The following CFAP58 variants were observed in gnomAD, a reference collection of about 807,000 sequenced individuals.
CFAP58 encodes the protein cilia- and flagella-associated protein 58.
In CFAP58, 88 loss-of-function variants were observed where a neutral mutation model predicts 119.5. The observed-to-expected ratio is 0.74, with a 90% CI of 0.62 to 0.88. The LOEUF is 0.88. Among genes scored for constraint, CFAP58 ranks in the 40% least tolerant of loss-of-function variants. CFAP58 has a pLI of 0.00. For missense variants in CFAP58, 990 were observed against 1,021.2 expected (o/e 0.97, Z 0.42); for synonymous variants, 365 against 366.3 (o/e 1.00, Z 0.04).
At chr10:104,349,261 C>CCAAAACAAAACAAAA (rs200006936), upstream of CFAP58, among the ~76,000 whole-genome samples, 73 of 152,096 alleles carry the variant, frequency 4.8e-4, 1 homozygote, top group African/African-American at 1.7e-3. Flanking sequence ...CGCCTCCACA[C>CCAAAACAAAACAAAA]CAAAACAAAA....
chr10:104,430,452 GTCT>G (rs1014897953), intron 15 of CFAP58, among the ~76,000 whole-genome samples: 2 of 152,182 alleles, frequency 1.3e-5, no homozygotes, highest in African/African-American at 4.8e-5. Flanking sequence ...CTCACTTACA[GTCT>G]TCTTTTGGAA....
intron 15 of CFAP58, among the ~76,000 whole-genome samples, chr10:104,445,934 A>G (rs73336909): frequency 6.6e-6 from 1 of 152,376 alleles, no homozygotes; most frequent in African/African-American, 2.4e-5. Flanking sequence ...TTAAGACATT[A>G]TTATATTCCA....
chr10:104,452,002 G>A (rs1365683565), intron 17 of CFAP58, among the ~76,000 whole-genome samples: 7 of 151,878 alleles, frequency 4.6e-5, no homozygotes, highest in African/African-American at 1.5e-4. Context: ...GCCTCCCAAA[G>A]TGCTGGGATT....
At chr10:104,376,561 T>A (rs1310406023) in intron 7 of CFAP58, among the ~76,000 whole-genome samples, 1 of 151,870 alleles carries the variant, frequency 6.6e-6, no homozygotes, top group Non-Finnish European at 1.5e-5. Context: ...GGAGAAATCT[T>A]AGCCCTGTCA....
At chr10:104,381,326 C>T (rs534605540) in intron 9 of CFAP58, among the ~76,000 whole-genome samples, 7 of 152,296 alleles carry the variant, frequency 4.6e-5, no homozygotes, top group Admixed American at 6.5e-5. Context: ...TTTTAGCCAG[C>T]TGTCTTAGTG....
chr10:104,374,846 CAAA>C (rs56074829), intron 7 of CFAP58, among the ~76,000 whole-genome samples: 8 of 101,504 alleles, frequency 7.9e-5, no homozygotes, highest in Admixed American at 1.0e-4. Flanking sequence ...CTTATAACTG[CAAA>C]AAAAAAAAAA....
chr10:104,369,300 G>C (rs1345658765), intron 6 of CFAP58, among the ~76,000 whole-genome samples: 3 of 152,190 alleles, frequency 2.0e-5, no homozygotes, highest in Non-Finnish European at 2.9e-5. Context: ...TTGAGAATCT[G>C]ATGGTAATAT....
At position 104,400,658 on chromosome 10, in the gene CFAP58, A is replaced by G. The variant is rs200270613; in HGVS notation, c.1816-22A>G. On this transcript the variant is annotated intron_variant, in intron 12 of 17. Transcript: ENST00000369704. The stretch of plus-strand genomic sequence containing the variant: ...TAAGGCTCCTCCTTCCCTGGTGACT[A>G]TGCCCCTCCCTACCTTCCTAGGTCA... The G allele has an allele frequency of 1.4e-5, 22 of 1,599,986 alleles. No homozygotes were observed. In the East Asian group the frequency reaches 2.5e-4, roughly 18 times the overall value.
At chr10:104,453,517 C>G (rs1589941977) in intron 17 of CFAP58, among the ~76,000 whole-genome samples, 1 of 152,198 alleles carries the variant, frequency 6.6e-6, no homozygotes, top group East Asian at 1.9e-4. Context: ...CTGCCACTTC[C>G]CCTGTCTACC....
chr10:104,358,522 G>A lies in CFAP58; in HGVS notation c.191G>A (p.Cys64Tyr). ...YDNEKRLMAK[C>Y]RELNAEIVVN... is the part of the protein sequence containing the mutation. ...AATGAAAAGCGTCTGATGGCCAAATGCAGAGAGCTAAATGCAGAGATTGTA... is the reference window on the plus strand; with the variant it reads ...AATGAAAAGCGTCTGATGGCCAAATACAGAGAGCTAAATGCAGAGATTGTA... Residue 64 changes from cysteine to tyrosine, a missense_variant, in exon 2 of 18, where the codon TGC (cysteine) becomes TAC (tyrosine). Coordinates refer to ENST00000369704, the MANE Select transcript of CFAP58 (RefSeq NM_001008723.2). 1 of 1,614,130 alleles carries A rather than the reference G, an allele frequency of 6.2e-7. No individual in the cohort carries two copies. Among genetic ancestry groups the A allele is most frequent in the Non-Finnish European group, 8.5e-7 (1 of 1,180,014 alleles).
At chr10:104,364,634 G>C (rs1177878244) in intron 3 of CFAP58, 99 bp from the exon 4 acceptor site, 1 of 1,043,284 alleles carries the variant, frequency 9.6e-7, no homozygotes, top group Non-Finnish European at 1.4e-6. Context: ...GTTAATCATT[G>C]ACCTGACATC....
At chr10:104,424,307 G>A (rs1054162602) in intron 15 of CFAP58, among the ~76,000 whole-genome samples, 18 of 152,140 alleles carry the variant, frequency 1.2e-4, no homozygotes, top group Non-Finnish European at 8.8e-5. Flanking sequence ...GACTCAGTTT[G>A]CTTTTGGCTT....
chr10:104,357,299 G>A (rs1308425771), intron 1 of CFAP58, among the ~76,000 whole-genome samples: 1 of 152,198 alleles, frequency 6.6e-6, no homozygotes, highest in African/African-American at 2.4e-5. Context: ...ATGTGGAAAA[G>A]TCCCATGAGT....
At position 104,454,696 on chromosome 10, in the gene CFAP58, T is replaced by C; in HGVS notation, c.*166T>C. On this transcript the variant is annotated 3_prime_UTR_variant, in exon 18 of 18. Coordinates refer to ENST00000369704, the MANE Select transcript of CFAP58 (RefSeq NM_001008723.2). The stretch of plus-strand genomic sequence containing the variant: ...CATACATATAAGAGGGATGGTGTTT[T>C]GTCTGGTTCACGTTGATATTAACAG... 1 of 601,338 alleles carries C rather than the reference T, an allele frequency of 1.7e-6. No individual in the cohort carries two copies. 37.3% of individuals were successfully genotyped at this position (601,338 alleles called of 1,614,324 possible).
At chr10:104,413,906 A>G (rs2012502432) in intron 15 of CFAP58, among the ~76,000 whole-genome samples, 1 of 152,206 alleles carries the variant, frequency 6.6e-6, no homozygotes, top group Non-Finnish European at 1.5e-5. Flanking sequence ...ATGAACACTC[A>G]GAGCTACTCA....
intron 15 of CFAP58, among the ~76,000 whole-genome samples, chr10:104,438,398 T>G (rs2012978695): frequency 7.7e-6 from 1 of 129,560 alleles, no homozygotes; most frequent in South Asian, 2.5e-4. Context: ...AGACGGAGTC[T>G]CGCTCTGTCG....
intron 15 of CFAP58, among the ~76,000 whole-genome samples, chr10:104,418,574 C>T (rs1362443092): frequency 6.6e-6 from 1 of 152,042 alleles, no homozygotes; most frequent in Non-Finnish European, 1.5e-5. Context: ...CAAAAACAAA[C>T]CTTAGTCATT....
chr10:104,397,529 C>T (rs1005743757), intron 11 of CFAP58, among the ~76,000 whole-genome samples: 3 of 152,094 alleles, frequency 2.0e-5, no homozygotes, highest in African/African-American at 2.4e-5. Flanking sequence ...AGAGACAGAC[C>T]GTAACTAAAG....
intron 2 of CFAP58, 101 bp from the exon 3 acceptor site, chr10:104,361,922 A>T: frequency 8.8e-7 from 1 of 1,131,990 alleles, no homozygotes; most frequent in Non-Finnish European, 1.3e-6. Flanking sequence ...ATGCACATTT[A>T]TATAACTACA....
Sources: allele counts gnomAD v4.1 joint callset (sites outside exome capture counted in the v4.1 genomes callset), GRCh38; gene constraint gnomAD v4.1.1; transcripts MANE v1.5; gene names NCBI Gene and HGNC (gene_info 2026-07-23, HGNC 2026-07-21).